PAX3: variants seen among roughly 807,000 people sequenced by gnomAD.
PAX3 encodes paired box protein Pax-3.
PAX3 carries 14 observed loss-of-function variants against 51.6 expected under a neutral mutation model. The ratio of observed to expected loss-of-function variants is 0.27; its 90% confidence interval spans 0.18 to 0.42. The LOEUF (loss-of-function observed/expected upper bound fraction) is 0.42. Among genes scored for constraint, PAX3 ranks in the 10% least tolerant of loss-of-function variants. The pLI is 1.00. For synonymous variants in PAX3, 280 were observed against 253.4 expected (o/e 1.11, Z -1.00); for missense variants, 540 against 642.8 (o/e 0.84, Z 1.73).
intron 7 of PAX3, among the ~76,000 whole-genome samples, chr2:222,208,847 A>G (rs910848958): frequency 6.6e-6 from 1 of 152,200 alleles, no homozygotes; most frequent in African/African-American, 2.4e-5. Flanking sequence ...TGGGCATCTC[A>G]CAATACTTCA....
chr2:222,219,131 C>T (rs1692084116), intron 7 of PAX3, among the ~76,000 whole-genome samples: 1 of 152,126 alleles, frequency 6.6e-6, no homozygotes, highest in Admixed American at 6.5e-5. Context: ...CCTCTTGGTG[C>T]TTAGGCAGCG....
chr2:222,240,870 G>A (rs1298713090), intron 4 of PAX3, among the ~76,000 whole-genome samples: 1 of 152,100 alleles, frequency 6.6e-6, no homozygotes. Flanking sequence ...TGTTTTTAAC[G>A]GCTTTTTAAA....
intron 5 of PAX3, among the ~76,000 whole-genome samples, chr2:222,223,449 C>A (rs571011565): frequency 6.6e-6 from 1 of 152,142 alleles, no homozygotes; most frequent in Non-Finnish European, 1.5e-5. Context: ...CTCACTGCCC[C>A]GGTCTGAGTG....
intron 4 of PAX3, chr2:222,293,843 C>A: frequency 6.2e-7 from 1 of 1,613,268 alleles, no homozygotes; most frequent in South Asian, 1.1e-5. Flanking sequence ...TGCCCAGTCT[C>A]ATACATTTAA....
At chr2:222,223,228 T>C (rs1692266302) in intron 5 of PAX3, among the ~76,000 whole-genome samples, 2 of 152,194 alleles carry the variant, frequency 1.3e-5, no homozygotes, top group South Asian at 4.1e-4. Flanking sequence ...TCGCCATTGT[T>C]GCAAGATACT....
chr2:222,293,718 C>T, intron 4 of PAX3: 3 of 1,614,198 alleles, frequency 1.9e-6, no homozygotes, highest in Non-Finnish European at 2.5e-6. Context: ...CTCTCTCTCT[C>T]TCCTTTAATG....
chr2:222,208,662 A>T (rs1272961546), intron 7 of PAX3, among the ~76,000 whole-genome samples: 4 of 152,162 alleles, frequency 2.6e-5, no homozygotes, highest in Non-Finnish European at 5.9e-5. Flanking sequence ...AGCCCTCTAA[A>T]GCGCGTGTGC....
chr2:222,213,784 A>T (rs1289892664), intron 7 of PAX3, among the ~76,000 whole-genome samples: 1 of 152,216 alleles, frequency 6.6e-6, no homozygotes, highest in African/African-American at 2.4e-5. Context: ...AAGGTAGGTC[A>T]AGGGCAGAGA....
chr2:222,224,518 T>C (rs1692313169), intron 5 of PAX3, among the ~76,000 whole-genome samples: 1 of 152,226 alleles, frequency 6.6e-6, no homozygotes, highest in African/African-American at 2.4e-5. Context: ...AATTAAGAAC[T>C]GGTCTTTGCC....
intron 4 of PAX3, among the ~76,000 whole-genome samples, chr2:222,284,518 A>T (rs1168512220): frequency 6.6e-6 from 1 of 152,234 alleles, no homozygotes; most frequent in East Asian, 1.9e-4. Flanking sequence ...TATACCCATT[A>T]AATCGAAGTT....
rs374779599 is a variant in PAX3 at position 222,251,414 on chromosome 2, T to C, written c.587-19131A>G. 1.1e-3 allele frequency among the ~76,000 whole-genome samples: 169 copies of C among 152,282 alleles called. 2 individuals are homozygous for C. In the South Asian group the frequency reaches 0.025, roughly 22 times the overall value. ...ATGATGGTTTCCACCTTCATCCATGTCCCTACAAAGGACATGAACTCATCC... is the reference window on the plus strand; with the variant it reads ...ATGATGGTTTCCACCTTCATCCATGCCCCTACAAAGGACATGAACTCATCC... On this transcript the variant is annotated intron_variant, in intron 4 of 8. Coordinates refer to ENST00000392070, the MANE Select transcript of PAX3 (RefSeq NM_181458.4).
rs559820015 is a variant in PAX3 at position 222,256,833 on chromosome 2, G to A, written c.587-24550C>T. Among the ~76,000 whole-genome samples the A allele has an allele frequency of 9.9e-5, 15 of 152,258 alleles. No homozygotes were observed. In the South Asian group the frequency reaches 2.7e-3, roughly 27 times the overall value. ...GAACTCGCTTTCCATTTTGAAATTC[G>A]ACAGACTGGCCCAAAACTTATTCTA... is the stretch of plus-strand genomic sequence containing the variant. On this transcript the variant is annotated intron_variant, in intron 4 of 8. Coordinates refer to ENST00000392070, the MANE Select transcript of PAX3 (RefSeq NM_181458.4).
At chr2:222,292,825 G>A (rs1695093003) in intron 4 of PAX3, among the ~76,000 whole-genome samples, 2 of 152,222 alleles carry the variant, frequency 1.3e-5, no homozygotes, top group South Asian at 4.1e-4. Flanking sequence ...GCATCTCCCT[G>A]CCCAACCTGC....
chr2:222,295,396 A>G (rs1695240899), intron 3 of PAX3, 132 bp downstream of exon 3: 1 of 1,083,884 alleles, frequency 9.2e-7, no homozygotes, highest in Non-Finnish European at 1.4e-6. Flanking sequence ...GTTGGCAAAT[A>G]TTGCAGGGCC....
At chr2:222,296,936 A>G in intron 2 of PAX3, 42 bp downstream of exon 2, 1 of 1,510,910 alleles carries the variant, frequency 6.6e-7, no homozygotes, top group Non-Finnish European at 9.1e-7. Flanking sequence ...AACACAGGGG[A>G]CCACAGTCTG....
chr2:222,228,467 C>T (rs1275922810), intron 5 of PAX3, among the ~76,000 whole-genome samples: 1 of 152,196 alleles, frequency 6.6e-6, no homozygotes, highest in Non-Finnish European at 1.5e-5. Context: ...GCTGTACAAG[C>T]TACATGGGTT....
intron 2 of PAX3, 32 bp downstream of exon 2, chr2:222,296,944 CTG>C (rs767647521): frequency 6.4e-7 from 1 of 1,558,608 alleles, no homozygotes; most frequent in Non-Finnish European, 8.8e-7. Flanking sequence ...GGACCACAGT[CTG>C]GGAGCCAGGA....
At chr2:222,255,917 A>ATTTTTTTTTTTTTTTTTTTTTTT (rs57757180) in intron 4 of PAX3, among the ~76,000 whole-genome samples, 4 of 98,346 alleles carry the variant, frequency 4.1e-5, no homozygotes, top group Admixed American at 1.3e-4. Context: ...CGCCCAGCTA[A>ATTTTTTTTTTTTTTTTTTTTTTT]TTTTTTTTTT....
intron 4 of PAX3, among the ~76,000 whole-genome samples, chr2:222,248,463 T>C (rs1693308063): frequency 6.6e-6 from 1 of 152,204 alleles, no homozygotes; most frequent in Non-Finnish European, 1.5e-5. Context: ...TGCCCCTCCC[T>C]TCTCTGTACT....
Sources: gnomAD v4.1 joint callset for allele counts (sites outside exome capture counted in the v4.1 genomes callset) on GRCh38, gnomAD v4.1.1 for gene constraint, MANE v1.5 for transcripts, NCBI Gene and HGNC (gene_info 2026-07-23, HGNC 2026-07-21) for gene names.